FLNB: variants seen among roughly 807,000 people sequenced by gnomAD.
FLNB encodes the protein filamin-B.
In FLNB, 111 loss-of-function variants were observed where a neutral mutation model predicts 250.6. The ratio of observed to expected loss-of-function variants is 0.44; its 90% CI spans 0.38 to 0.52. The LOEUF is 0.52. Ranked by LOEUF, FLNB falls within the 20% of genes least tolerant of loss-of-function variation. The probability of loss-of-function intolerance (pLI) is 0.00; values close to 1 mark genes in which losing one functional copy is unlikely to be tolerated. For missense variants in FLNB, 2,869 were observed against 3,447.8 expected (o/e 0.83, Z 4.20); for synonymous variants, 1,302 against 1,372.1 (o/e 0.95, Z 1.13).
intron 1 of FLNB, among the ~76,000 whole-genome samples, chr3:58,050,746 TG>T (rs2097161064): frequency 6.6e-6 from 1 of 152,188 alleles, no homozygotes; most frequent in African/African-American, 2.4e-5. Flanking sequence ...ATTGGTGCAC[TG>T]GGTAGCTCCT....
chr3:58,050,021 C>CTT (rs34910480), intron 1 of FLNB, among the ~76,000 whole-genome samples: 11 of 130,490 alleles, frequency 8.4e-5, no homozygotes, highest in South Asian at 2.4e-4. Context: ...TAGAAAATGC[C>CTT]TTTTTTTTTT....
chr3:58,110,815 G>A (rs533958400), intron 16 of FLNB, among the ~76,000 whole-genome samples: 3 of 152,208 alleles, frequency 2.0e-5, no homozygotes, highest in African/African-American at 7.2e-5. Flanking sequence ...CTGACCTCAG[G>A]CCCACCTGGC....
intron 26 of FLNB, among the ~76,000 whole-genome samples, chr3:58,134,222 C>T (rs553438837): frequency 7.2e-5 from 11 of 152,252 alleles, no homozygotes; most frequent in South Asian, 2.1e-4. Context: ...CATAGGAGTG[C>T]GAACCCTATT....
Position 58,163,315 on chromosome 3 carries a change from G to A in FLNB, c.7183G>A (p.Glu2395Lys), listed in dbSNP as rs142023538. The A allele has an allele frequency of 2.9e-4, 473 of 1,614,054 alleles. No individual in the cohort carries two copies. Among genetic ancestry groups the A allele is most frequent in the Non-Finnish European group, 3.9e-4 (457 of 1,180,046 alleles). ...ALVSAYGTGL[E>K]GGTTGIQSEF... ...GGTGTCCGCCTATGGCACGGGACTC[G>A]AAGGGGGCACCACAGGTAACCCACT... Residue 2395 changes from glutamate (E) to lysine (K), a missense_variant, in exon 43 of 46, where the codon GAA becomes AAA. Physicochemically the swap from Glu to Lys is moderately conservative, Grantham distance 56. Transcript: ENST00000295956.
Position 58,154,861 on chromosome 3 carries a change from G to T in FLNB, c.6705G>T (p.Lys2235Asn). 6.2e-7 allele frequency: 1 copy of T among 1,614,066 alleles called. No individual in the cohort carries two copies. The highest frequency in any genetic ancestry group is 1.3e-5 in the African/African-American group (1 of 75,044). Reference sequence around the variant, plus strand: ...CCATCGCTGTTGAGGGCCCCAGTAAGGCCGAGATTACATTCGATGACCATA... The same window carrying T: ...CCATCGCTGTTGAGGGCCCCAGTAATGCCGAGATTACATTCGATGACCATA... ...GLSIAVEGPS[K>N]AEITFDDHKN... Residue 2235 changes from lysine (K) to asparagine (N), a missense_variant, in exon 40 of 46, where the codon AAG becomes AAT. By Grantham distance (94) the Lys-to-Asn change is moderately conservative. This residue lies in a region of FLNB where 1,084 missense variants were observed against 1,315.5 expected (regional missense o/e 0.82). Coordinates refer to ENST00000295956, the MANE Select transcript of FLNB (RefSeq NM_001457.4).
rs370061963 is a variant in FLNB, at chr3:58,125,747, G to A, written c.4061+4G>A. ...ATGTCTTCACCGTGGTTACCAGGTA[G>A]GCAAGGCCCTACATTTGGTGTCTTG... On this transcript the variant is annotated splice_donor_region_variant and intron_variant, in intron 23 of 45. Transcript: ENST00000295956. 3.2e-4 allele frequency: 524 copies of A among 1,614,050 alleles called. 2 individuals are homozygous for A. The Middle Eastern group carries it at 0.01, about 32-fold the overall frequency.
intron 13 of FLNB, 24 bp from the exon 14 acceptor site, chr3:58,109,155 G>T: frequency 6.2e-7 from 1 of 1,614,156 alleles, no homozygotes; most frequent in Non-Finnish European, 8.5e-7. Flanking sequence ...GCCACCTCTG[G>T]TCCTAGCTCT....
intron 1 of FLNB, among the ~76,000 whole-genome samples, chr3:58,050,162 T>G (rs1047815385): frequency 6.6e-6 from 1 of 152,000 alleles, no homozygotes. Flanking sequence ...CTGGAGTAGC[T>G]GGGACTACAG....
At chr3:58,062,726 A>C (rs1305204369) in intron 1 of FLNB, among the ~76,000 whole-genome samples, 1 of 152,182 alleles carries the variant, frequency 6.6e-6, no homozygotes, top group African/African-American at 2.4e-5. Context: ...TGATTCTATC[A>C]GCCTTAATGC....
intron 18 of FLNB, among the ~76,000 whole-genome samples, chr3:58,113,997 T>C (rs894392267): frequency 3.3e-5 from 5 of 151,978 alleles, no homozygotes; most frequent in Admixed American, 2.0e-4. Context: ...TGTCTTTTTG[T>C]GACTGATTTA....
rs948993563 is a variant in FLNB at position 58,141,887 on chromosome 3, G to C, written c.5139G>C (p.Glu1713Asp). ...MATDGEVTAV[E>D]EAPVNACPPG... Reference sequence around the variant, plus strand: ...CAGATGGGGAAGTCACAGCCGTGGAGGAGGCACCGGTAAATGCATGTCCCC... The same window carrying C: ...CAGATGGGGAAGTCACAGCCGTGGACGAGGCACCGGTAAATGCATGTCCCC... Residue 1713 changes from glutamate (E) to aspartate (D), a missense_variant, in exon 30 of 46, where the codon GAG becomes GAC. Around this residue, in one of 5 missense-constraint regions of FLNB, gnomAD observed 1,084 missense variants for 1,315.5 expected, o/e 0.82. Coordinates refer to ENST00000295956, the MANE Select transcript of FLNB (RefSeq NM_001457.4). 5 of 1,614,060 alleles carry C rather than the reference G, an allele frequency of 3.1e-6. No individual in the cohort carries two copies. In the African/African-American group the frequency reaches 6.7e-5, roughly 22 times the overall value.
At chr3:58,081,565 C>T in intron 3 of FLNB, 64 bp from the exon 4 acceptor site, 1 of 1,524,448 alleles carries the variant, frequency 6.6e-7, no homozygotes, top group South Asian at 1.1e-5. Context: ...GAGGCATTTG[C>T]AAACACTTCA....
intron 1 of FLNB, among the ~76,000 whole-genome samples, chr3:58,026,082 C>T (rs2097123224): frequency 6.6e-6 from 1 of 152,156 alleles, no homozygotes; most frequent in Non-Finnish European, 1.5e-5. Flanking sequence ...TGCTGTGAGA[C>T]CCTGCACTTC....
Position 58,109,918 on chromosome 3 carries a change from T to A in FLNB, c.2324-92T>A, listed in dbSNP as rs867194959. ...AGGTTTCTTACTAGAAACTTCCCAA[T>A]TGCTTTTTGAGGGTGTTAACCTGAG... is the stretch of plus-strand genomic sequence containing the variant. On this transcript the variant is annotated intron_variant, in intron 15 of 45. Coordinates refer to ENST00000295956, the MANE Select transcript of FLNB (RefSeq NM_001457.4). The A allele has an allele frequency of 2.6e-6, 4 of 1,532,490 alleles. No individual in the cohort carries two copies. In the African/African-American group the frequency reaches 5.5e-5, roughly 21 times the overall value. 94.9% of individuals were successfully genotyped at this position (1,532,490 alleles called of 1,614,324 possible).
At chr3:58,095,229 G>GTATGTATGTATTTATT (rs140031981) in intron 5 of FLNB, among the ~76,000 whole-genome samples, 364 of 147,812 alleles carry the variant, frequency 2.5e-3, no homozygotes, top group African/African-American at 4.0e-3. Context: ...GTTTATGTAT[G>GTATGTATGTATTTATT]TATTTATTTA....
Position 58,169,585 on chromosome 3 carries a change from C to A in FLNB, c.7418-5C>A, listed in dbSNP as rs1032256376. The A allele has an allele frequency of 1.2e-6, 2 of 1,613,290 alleles. No homozygotes were observed. ...ATGCCTGTCCCCCTCCCTCCTGTAT[C>A]TTAGGCCAGCGTCTAGTTAGCCCTG... On this transcript the variant is annotated splice_polypyrimidine_tract_variant and splice_region_variant and intron_variant, in intron 44 of 45. Transcript: ENST00000295956. This position sits in a 1 kb window ranked among gnomAD's most constrained non-coding sequence, Gnocchi z 4.8.
At chr3:58,162,755 G>A in intron 42 of FLNB, 1 of 289,164 alleles carries the variant, frequency 3.5e-6, no homozygotes, top group East Asian at 9.1e-5. Context: ...ATTTCAGAGT[G>A]CTGTGTCTTC....
intron 41 of FLNB, among the ~76,000 whole-genome samples, chr3:58,156,647 T>C (rs995917470): frequency 7.2e-5 from 11 of 152,168 alleles, no homozygotes; most frequent in Non-Finnish European, 1.2e-4. Flanking sequence ...GGGAACCAGC[T>C]AGTATGAGGC....
chr3:58,055,337 C>T (rs560094115), intron 1 of FLNB, among the ~76,000 whole-genome samples: 3 of 151,684 alleles, frequency 2.0e-5, no homozygotes, highest in Admixed American at 6.6e-5. Flanking sequence ...TGGTAGGGTA[C>T]GGTAGAAGGT....
Sources: gnomAD v4.1 joint callset for allele counts (sites outside exome capture counted in the v4.1 genomes callset) on GRCh38, gnomAD v4.1.1 for gene constraint, gnomAD v4.1.1 regional missense constraint, Gnocchi (gnomAD v3.1) non-coding constraint, MANE v1.5 for transcripts, NCBI Gene and HGNC (gene_info 2026-07-23, HGNC 2026-07-21) for gene names.